Variants in UBE2F observed in about 807,000 individuals in gnomAD.
UBE2F encodes ubiquitin conjugating enzyme E2 F (putative).
Under a neutral mutation model 29.6 loss-of-function variants are expected in UBE2F, and 5 were observed. That is an observed-to-expected ratio of 0.17 (90% CI 0.09 to 0.36). The LOEUF (loss-of-function observed/expected upper bound fraction) is 0.36, where lower values mean the gene tolerates loss of function less well. Ranked by LOEUF, UBE2F falls within the 10% of genes least tolerant of loss-of-function variation. The probability of loss-of-function intolerance (pLI) is 1.00; values close to 1 mark genes in which losing one functional copy is unlikely to be tolerated. For synonymous variants in UBE2F, 66 were observed against 81.8 expected (o/e 0.81, Z 1.04); for missense variants, 141 against 228.5 (o/e 0.62, Z 2.47).
At chr2:237,979,410 C>T (rs2063340718) in intron 2 of UBE2F, among the ~76,000 whole-genome samples, 1 of 152,176 alleles carries the variant, frequency 6.6e-6, no homozygotes, top group Non-Finnish European at 1.5e-5. Flanking sequence ...GCAACATGTC[C>T]CCATTTCAGT....
chr2:237,968,428 T>C (rs2063105539), intron 1 of UBE2F, among the ~76,000 whole-genome samples: 1 of 152,166 alleles, frequency 6.6e-6, no homozygotes, highest in Non-Finnish European at 1.5e-5. Context: ...GAGTGGGATG[T>C]GGACTTTGTT....
intron 5 of UBE2F, among the ~76,000 whole-genome samples, chr2:238,022,966 T>G (rs552620461): frequency 6.6e-6 from 1 of 152,282 alleles, no homozygotes; most frequent in South Asian, 2.1e-4. Context: ...GAGGTATCTG[T>G]GTTAACATCA....
At chr2:237,990,189 T>A (rs1333115877) in intron 3 of UBE2F, among the ~76,000 whole-genome samples, 1 of 149,322 alleles carries the variant, frequency 6.7e-6, no homozygotes, top group African/African-American at 2.5e-5. Context: ...TTTAAAATGC[T>A]ACAGGAAGAC....
At chr2:238,013,113 C>CA (rs1351621900) in intron 4 of UBE2F, among the ~76,000 whole-genome samples, 2 of 151,912 alleles carry the variant, frequency 1.3e-5, no homozygotes, top group African/African-American at 4.8e-5. Flanking sequence ...CCCATCTCTA[C>CA]AAAAAAACTA....
intron 2 of UBE2F, chr2:237,973,758 A>G: frequency 8.3e-7 from 1 of 1,205,514 alleles, no homozygotes; most frequent in Non-Finnish European, 1.1e-6. Context: ...GTGAGGAGAA[A>G]CTTTATCCTT....
intron 4 of UBE2F, among the ~76,000 whole-genome samples, chr2:238,002,331 C>CAT (rs2063812281): frequency 6.6e-6 from 1 of 152,142 alleles, no homozygotes; most frequent in Non-Finnish European, 1.5e-5. Context: ...AGGTTAGTTA[C>CAT]ATATGTATAC....
chr2:237,984,929 A>T (rs1270819105), intron 2 of UBE2F, among the ~76,000 whole-genome samples: 1 of 150,032 alleles, frequency 6.7e-6, no homozygotes, highest in Non-Finnish European at 1.5e-5. Flanking sequence ...ACAGGCATGC[A>T]CCACCACGCC....
chr2:237,999,124 C>A (rs1399713762), intron 4 of UBE2F, among the ~76,000 whole-genome samples: 1 of 151,314 alleles, frequency 6.6e-6, no homozygotes, highest in African/African-American at 2.4e-5. Flanking sequence ...GCTCTGTCAC[C>A]CAGGCTGGAG....
intron 5 of UBE2F, among the ~76,000 whole-genome samples, chr2:238,019,869 G>A (rs1021636258): frequency 1.3e-4 from 19 of 151,602 alleles, no homozygotes; most frequent in Non-Finnish European, 2.2e-4. Flanking sequence ...CATGTTGGCC[G>A]GGTTGGTCTC....
intron 6 of UBE2F, 118 bp downstream of exon 6, chr2:238,025,530 C>A: frequency 1.1e-6 from 1 of 941,290 alleles, no homozygotes; most frequent in Admixed American, 2.1e-5. Flanking sequence ...TTAGGAAGGG[C>A]TTGAACTCAG....
At chr2:238,016,847 A>G (rs1338101644) in intron 5 of UBE2F, among the ~76,000 whole-genome samples, 2 of 152,192 alleles carry the variant, frequency 1.3e-5, no homozygotes, top group African/African-American at 2.4e-5. Flanking sequence ...ACTTATGAGT[A>G]CTATGTGCCA....
chr2:238,032,225 G>A lies in UBE2F; in HGVS notation c.415G>A (p.Val139Ile). 1 of 1,613,080 alleles carries A rather than the reference G, an allele frequency of 6.2e-7. No homozygotes were observed. Among genetic ancestry groups the A allele is most frequent in the South Asian group, 1.1e-5 (1 of 90,990 alleles). The change falls in exon 8 of 10, where the codon GTC becomes ATC. Residue 139 changes from valine (V) to isoleucine (I), a missense_variant. Coordinates refer to ENST00000272930, the MANE Select transcript of UBE2F (RefSeq NM_080678.3). ...TCTGTTTTCTTTTTTATTTCAGGAT[G>A]TCGTTTGGGGATTAAACTCTTTGTT... ...GWAPTRTLKD[V>I]VWGLNSLFTD...
intron 4 of UBE2F, among the ~76,000 whole-genome samples, chr2:237,997,934 A>G (rs150009735): frequency 2.1e-3 from 326 of 152,342 alleles, no homozygotes; most frequent in South Asian, 0.016. Flanking sequence ...ACAAAAACGT[A>G]AAAGATAGCC....
chr2:238,025,428 TTTC>T lies in UBE2F; in HGVS notation c.353+19_353+21del, dbSNP rs749834188. On this transcript the variant is annotated intron_variant, in intron 6 of 9. Coordinates refer to ENST00000272930, the MANE Select transcript of UBE2F (RefSeq NM_080678.3). ...TATGTCTGAGGTGAGTTTATTGTCTTTTCTTTCTTCTACATTCGTGAGTGTCAT... is the reference window on the plus strand; with the variant it reads ...TATGTCTGAGGTGAGTTTATTGTCTTTTTCTTCTACATTCGTGAGTGTCAT... 2 of 1,607,888 alleles carry T rather than the reference TTTC, an allele frequency of 1.2e-6. No homozygotes were observed. The highest frequency in any genetic ancestry group is 1.7e-6 in the Non-Finnish European group (2 of 1,176,016).
intron 7 of UBE2F, among the ~76,000 whole-genome samples, chr2:238,031,056 G>A (rs2064563933): frequency 6.6e-6 from 1 of 152,220 alleles, no homozygotes; most frequent in Non-Finnish European, 1.5e-5. Flanking sequence ...GGGACCCTAG[G>A]GGAACAGCAC....
chr2:237,987,110 CAAATATTTG>C (rs1305444094), intron 2 of UBE2F, among the ~76,000 whole-genome samples: 4 of 152,116 alleles, frequency 2.6e-5, no homozygotes, highest in Non-Finnish European at 2.9e-5. Context: ...ATTAATTCTT[CAAATATTTG>C]AACAGAGTAT....
chr2:238,000,895 A>T (rs1015876496), intron 4 of UBE2F, among the ~76,000 whole-genome samples: 1 of 152,172 alleles, frequency 6.6e-6, no homozygotes, highest in African/African-American at 2.4e-5. Context: ...TTCCCTAATG[A>T]CTAGTGATGG....
intron 1 of UBE2F, among the ~76,000 whole-genome samples, chr2:237,969,698 G>T (rs905937483): frequency 6.6e-6 from 1 of 152,188 alleles, no homozygotes; most frequent in African/African-American, 2.4e-5. Context: ...GGGAGACACT[G>T]TTCCATGACA....
intron 2 of UBE2F, among the ~76,000 whole-genome samples, chr2:237,977,766 A>G (rs1559200753): frequency 6.6e-6 from 1 of 152,154 alleles, no homozygotes; most frequent in South Asian, 2.1e-4. Context: ...TGAGAAAAGT[A>G]GAGTGTTGGA....
Sources: allele counts gnomAD v4.1 joint callset (sites outside exome capture counted in the v4.1 genomes callset), GRCh38; gene constraint gnomAD v4.1.1; transcripts MANE v1.5; gene names NCBI Gene and HGNC (gene_info 2026-07-23, HGNC 2026-07-21).